The following PAK5 variants were observed in gnomAD, a reference collection of about 807,000 sequenced individuals.
The protein encoded by PAK5 is serine/threonine-protein kinase PAK 5.
In PAK5, 16 loss-of-function variants were observed where a neutral mutation model predicts 65.9. That is an observed-to-expected ratio of 0.24 (90% CI 0.16 to 0.37). The LOEUF (loss-of-function observed/expected upper bound fraction) is 0.37, where lower values mean the gene tolerates loss of function less well. PAK5 is among the 10% of genes least tolerant of loss of function. The pLI is 1.00. For synonymous variants in PAK5, 371 were observed against 354.9 expected (o/e 1.05, Z -0.51); for missense variants, 785 against 903.9 (o/e 0.87, Z 1.69).
At chr20:9,785,308 A>G (rs1360202679) in intron 1 of PAK5, among the ~76,000 whole-genome samples, 1 of 152,204 alleles carries the variant, frequency 6.6e-6, no homozygotes, top group East Asian at 1.9e-4. Flanking sequence ...TTGCCTTAGT[A>G]TACTCATTTA....
intron 1 of PAK5, among the ~76,000 whole-genome samples, chr20:9,799,968 G>GAAAAAAAAAAAAAAAAAAA (rs1234994980): frequency 8.8e-6 from 1 of 113,672 alleles, no homozygotes; most frequent in African/African-American, 3.1e-5. Flanking sequence ...AAAAAAAAAT[G>GAAAAAAAAAAAAAAAAAAA]AAAGAAAGAA....
intron 1 of PAK5, among the ~76,000 whole-genome samples, chr20:9,817,524 A>C (rs2049371481): frequency 6.6e-6 from 1 of 152,248 alleles, no homozygotes; most frequent in African/African-American, 2.4e-5. Flanking sequence ...CTGGTGAAGA[A>C]GAAAGATAAC....
chr20:9,726,456 T>G (rs1460021273), intron 1 of PAK5, among the ~76,000 whole-genome samples: 5 of 152,212 alleles, frequency 3.3e-5, no homozygotes, highest in African/African-American at 1.2e-4. Flanking sequence ...CACAGCGATT[T>G]AACTTCTGGA....
intron 7 of PAK5, among the ~76,000 whole-genome samples, chr20:9,556,897 G>A (rs987190171): frequency 6.6e-6 from 1 of 152,170 alleles, no homozygotes; most frequent in African/African-American, 2.4e-5. Context: ...GGGAGCACCA[G>A]TAGGACACTA....
At chr20:9,830,475 G>A (rs1215629428) in intron 1 of PAK5, among the ~76,000 whole-genome samples, 1 of 152,126 alleles carries the variant, frequency 6.6e-6, no homozygotes, top group Non-Finnish European at 1.5e-5. Flanking sequence ...GGTATTCATG[G>A]TGAACTAAAC....
rs1195578851 is a variant in PAK5 at position 9,539,299 on chromosome 20, C to A, written c.*163G>T. On this transcript the variant is annotated 3_prime_UTR_variant, in exon 10 of 10. Transcript: ENST00000353224. ...AGTGGAGAGATGCCTGTTTAAGACACAAGAAGATGCCCTGGTCTGTTGAAC... is the reference window on the plus strand; with the variant it reads ...AGTGGAGAGATGCCTGTTTAAGACAAAAGAAGATGCCCTGGTCTGTTGAAC... 2 of 653,052 alleles carry A rather than the reference C, an allele frequency of 3.1e-6. No homozygotes were observed. The highest frequency in any genetic ancestry group is 4.0e-5 in the South Asian group (2 of 50,156). The allele number at this position is 653,052 out of a possible 1,614,324, so 40.5% of individuals were successfully genotyped here.
At chr20:9,655,591 G>C (rs954343310) in intron 2 of PAK5, among the ~76,000 whole-genome samples, 1 of 151,968 alleles carries the variant, frequency 6.6e-6, no homozygotes, top group African/African-American at 2.4e-5. Context: ...TAACATTTAC[G>C]TTCTGGGGCT....
intron 2 of PAK5, among the ~76,000 whole-genome samples, chr20:9,689,030 A>C (rs1472618511): frequency 6.6e-6 from 1 of 152,188 alleles, no homozygotes; most frequent in Admixed American, 6.5e-5. Context: ...TAGTCCCATC[A>C]CAATAACAAC....
At chr20:9,795,725 C>G (rs186947442) in intron 1 of PAK5, among the ~76,000 whole-genome samples, 2 of 152,036 alleles carry the variant, frequency 1.3e-5, no homozygotes, top group South Asian at 2.1e-4. Flanking sequence ...TCCAATAGTT[C>G]AGAAAGAGTA....
At position 9,564,758 on chromosome 20, in the gene PAK5, T is replaced by A. The variant is rs150921560; in HGVS notation, c.1482+1135A>T. Among the ~76,000 whole-genome samples the A allele has an allele frequency of 8.6e-4, 131 of 152,140 alleles. 2 individuals carry two copies. The East Asian group carries it at 0.021, about 24-fold the overall frequency. On this transcript the variant is annotated intron_variant, in intron 5 of 9. Coordinates refer to ENST00000353224, the MANE Select transcript of PAK5 (RefSeq NM_177990.4). ...AACACTCACTGCAAAATAATAAAAG[T>A]GACAAATTGGAAACAGTATAAATCA...
At chr20:9,606,394 A>G (rs2123127372) in intron 3 of PAK5, among the ~76,000 whole-genome samples, 1 of 152,278 alleles carries the variant, frequency 6.6e-6, no homozygotes, top group South Asian at 2.1e-4. Context: ...TCTTTTCTTT[A>G]TAAATTACCC....
chr20:9,720,205 C>T (rs1311663643), intron 1 of PAK5, among the ~76,000 whole-genome samples: 2 of 152,158 alleles, frequency 1.3e-5, no homozygotes. Flanking sequence ...GGGGTCGTAA[C>T]TGTCCCTGAG....
intron 8 of PAK5, among the ~76,000 whole-genome samples, chr20:9,543,252 G>A (rs2045294852): frequency 6.6e-6 from 1 of 152,080 alleles, no homozygotes; most frequent in South Asian, 2.1e-4. Flanking sequence ...AAAACAGCAT[G>A]CACAAAACCT....
intron 1 of PAK5, among the ~76,000 whole-genome samples, chr20:9,774,953 C>T (rs566717871): frequency 3.6e-4 from 55 of 151,662 alleles, no homozygotes; most frequent in African/African-American, 1.3e-3. Flanking sequence ...GAGACTCGGT[C>T]AAAAAAACAA....
intron 1 of PAK5, among the ~76,000 whole-genome samples, chr20:9,748,765 A>C (rs962302732): frequency 6.6e-6 from 1 of 152,182 alleles, no homozygotes; most frequent in African/African-American, 2.4e-5. Flanking sequence ...TCCATAAAAA[A>C]ACATAATTAT....
chr20:9,700,587 A>C (rs2047927083), intron 2 of PAK5, among the ~76,000 whole-genome samples: 1 of 152,184 alleles, frequency 6.6e-6, no homozygotes, highest in Admixed American at 6.5e-5. Flanking sequence ...GCTGGATCAT[A>C]GTATAGGCTT....
chr20:9,668,872 A>C (rs2123359450), intron 2 of PAK5, among the ~76,000 whole-genome samples: 1 of 152,310 alleles, frequency 6.6e-6, no homozygotes, highest in East Asian at 1.9e-4. Flanking sequence ...TATACTGGGC[A>C]TTGCTGGGGA....
chr20:9,557,935 A>C (rs113302012), intron 6 of PAK5, among the ~76,000 whole-genome samples: 104 of 152,326 alleles, frequency 6.8e-4, no homozygotes, highest in African/African-American at 2.3e-3. Context: ...CAGGGACCAA[A>C]TATAAGTCAA....
Position 9,565,945 on chromosome 20 carries a change from A to G in PAK5, c.1430T>C (p.Val477Ala). 1 of 1,613,232 alleles carries G rather than the reference A, an allele frequency of 6.2e-7. No homozygotes were observed. The change falls in exon 5 of 10, where the codon GTG (valine) becomes GCG (alanine). Residue 477 changes from valine (V) to alanine (A), a missense_variant. Physicochemically the swap from Val to Ala is moderately conservative, Grantham distance 64 (BLOSUM62 0). Around this residue, in one of 4 missense-constraint regions of PAK5, gnomAD observed 182 missense variants for 273.0 expected, o/e 0.67. Transcript: ENST00000353224. ...TEKHTGKQVA[V>A]KKMDLRKQQR... ...TTGCTTCCGGAGGTCCATTTTCTTC[A>G]CTGCAACTTGTTTCCCTGTGTGTTT...
Sources: allele counts gnomAD v4.1 joint callset (sites outside exome capture counted in the v4.1 genomes callset), GRCh38; gene constraint gnomAD v4.1.1; regional missense constraint gnomAD v4.1.1; transcripts MANE v1.5; gene names NCBI Gene and HGNC (gene_info 2026-07-23, HGNC 2026-07-21).